EGFLAM: variants seen among roughly 807,000 people sequenced by gnomAD.
EGFLAM encodes the protein EGF like, fibronectin type III and laminin G domains, also known as pikachurin.
Under a neutral mutation model 113.1 loss-of-function variants are expected in EGFLAM, and 79 were observed. The observed-to-expected ratio is 0.70, with a 90% CI of 0.58 to 0.84. EGFLAM has a LOEUF of 0.84. EGFLAM is among the 40% of genes least tolerant of loss of function. The pLI, the probability that EGFLAM is intolerant of heterozygous loss-of-function variation, is 0.00. For synonymous variants in EGFLAM, 504 were observed against 487.6 expected (o/e 1.03, Z -0.44); for missense variants, 1,265 against 1,291.6 (o/e 0.98, Z 0.32).
chr5:38,358,261 C>T (rs558753816), intron 5 of EGFLAM, among the ~76,000 whole-genome samples: 158 of 151,272 alleles, frequency 1.0e-3, no homozygotes, highest in Non-Finnish European at 1.9e-3. Context: ...CTGGCTAACA[C>T]GATGAAACCC....
chr5:38,406,855 G>A lies in EGFLAM; in HGVS notation c.856G>A (p.Gly286Arg), dbSNP rs754023841. Residue 286 changes from glycine (G) to arginine (R), a missense_variant, in exon 8 of 22, where the codon GGG (glycine) becomes AGG (arginine). Physicochemically the swap from Gly to Arg is moderately radical, Grantham distance 125. Coordinates refer to ENST00000322350, the MANE Select transcript of EGFLAM (RefSeq NM_152403.4). ...TAAACCACTTCCTGCTACCAAAGGAGGGAATAAGAAATTTTTGGTGGAAAG... is the reference window on the plus strand; with the variant it reads ...TAAACCACTTCCTGCTACCAAAGGAAGGAATAAGAAATTTTTGGTGGAAAG... ...EVKPLPATKG[G>R]NKKFLVESKK... 3.1e-6 allele frequency: 5 copies of A among 1,614,038 alleles called. No individual in the cohort carries two copies. Among genetic ancestry groups the A allele is most frequent in the Non-Finnish European group, 3.4e-6 (4 of 1,179,948 alleles).
chr5:38,394,412 A>ATTT (rs11438127), intron 6 of EGFLAM, among the ~76,000 whole-genome samples: 3 of 140,690 alleles, frequency 2.1e-5, no homozygotes, highest in African/African-American at 7.8e-5. Context: ...TAGTAACCAC[A>ATTT]TTTTTTTTTT....
At chr5:38,435,310 T>C (rs1384086811) in intron 16 of EGFLAM, 57 bp downstream of exon 16, 4 of 1,289,236 alleles carry the variant, frequency 3.1e-6, no homozygotes, top group Non-Finnish European at 4.5e-6. Flanking sequence ...ACAAAGAAAG[T>C]GAGGATTATG....
rs540815959 is a variant in EGFLAM, at chr5:38,447,756, CAAAAAAA to C, written c.2465-532_2465-526del. ...GGGCAACCAGAGCGAAACTTTGTTT[CAAAAAAA>C]AAAAAAAAAAAAGATCTTGTGAAAT... On this transcript the variant is annotated intron_variant, in intron 17 of 21. Coordinates refer to ENST00000322350, the MANE Select transcript of EGFLAM (RefSeq NM_152403.4). Among the ~76,000 whole-genome samples, 7 of 69,482 alleles carry C rather than the reference CAAAAAAA, an allele frequency of 1.0e-4. No homozygotes were observed. In the East Asian group the frequency reaches 2.8e-3, roughly 27 times the overall value. 45.6% of individuals were successfully genotyped at this position (69,482 alleles called of 152,430 possible).
At chr5:38,294,159 C>A (rs1758400481) in intron 1 of EGFLAM, among the ~76,000 whole-genome samples, 1 of 152,078 alleles carries the variant, frequency 6.6e-6, no homozygotes, top group South Asian at 2.1e-4. Flanking sequence ...GGCTTGGACT[C>A]CTTGTTATAG....
intron 1 of EGFLAM, among the ~76,000 whole-genome samples, chr5:38,259,175 C>A (rs1757439308): frequency 6.6e-6 from 1 of 152,212 alleles, no homozygotes; most frequent in African/African-American, 2.4e-5. Context: ...GGCAACCATG[C>A]AGAGGAGTCA....
At chr5:38,412,353 T>C in intron 10 of EGFLAM, 151 bp from the exon 11 acceptor site, 1 of 1,157,194 alleles carries the variant, frequency 8.6e-7, no homozygotes, top group Non-Finnish European at 1.2e-6. Context: ...CTTCCCTGTA[T>C]TGATTTCAAC....
At chr5:38,459,775 G>A (rs1481923102) in intron 20 of EGFLAM, among the ~76,000 whole-genome samples, 2 of 37,926 alleles carry the variant, frequency 5.3e-5, no homozygotes. Flanking sequence ...CCCAACCCCT[G>A]GCTGCTGGGC....
chr5:38,283,828 AC>A (rs1430243025), intron 1 of EGFLAM: 1 of 152,108 alleles, frequency 6.6e-6, no homozygotes, highest in East Asian at 1.9e-4. Flanking sequence ...GAGGCAATGA[AC>A]CCTCAGCCCA....
intron 1 of EGFLAM, among the ~76,000 whole-genome samples, chr5:38,311,352 G>A (rs74571579): frequency 0.17 from 25,611 of 151,934 alleles, 2,269 homozygotes; most frequent in Middle Eastern, 0.2. Context: ...CATCTCCCCA[G>A]TCCCCCAGCC....
chr5:38,346,577 T>C (rs1739477303), intron 3 of EGFLAM: 1 of 152,240 alleles, frequency 6.6e-6, no homozygotes, highest in Non-Finnish European at 1.5e-5. Flanking sequence ...CACCCATCAC[T>C]GGTAATTAAT....
intron 1 of EGFLAM, among the ~76,000 whole-genome samples, chr5:38,311,785 CA>C: frequency 6.6e-6 from 1 of 151,962 alleles, no homozygotes; most frequent in South Asian, 2.1e-4. Context: ...GAAGGGGATG[CA>C]AAAAAGGCAA....
chr5:38,352,118 C>A, intron 4 of EGFLAM, 78 bp from the exon 5 acceptor site: 2 of 1,590,336 alleles, frequency 1.3e-6, no homozygotes, highest in South Asian at 1.1e-5. Flanking sequence ...ATGGCTGAGA[C>A]CACCAGCCTA....
rs1740777235 is a variant in EGFLAM, at chr5:38,390,306, A to G, written c.713-15820A>G. ...CTTTTGCAAGTAATTTTTCTCTACA[A>G]TCTTATGTTTTTGACTTTTATGCAC... On this transcript the variant is annotated intron_variant, in intron 6 of 21. Transcript: ENST00000322350. Among the ~76,000 whole-genome samples the G allele has an allele frequency of 2.0e-5, 3 of 152,120 alleles. No individual in the cohort carries two copies. The South Asian group carries it at 6.2e-4, about 32-fold the overall frequency.
At chr5:38,315,751 GT>G (rs1488464932) in intron 1 of EGFLAM, among the ~76,000 whole-genome samples, 1 of 152,118 alleles carries the variant, frequency 6.6e-6, no homozygotes, top group Non-Finnish European at 1.5e-5. Flanking sequence ...TGGGCTTCTT[GT>G]GAAGTTTAAA....
At chr5:38,389,069 T>C (rs1027485303) in intron 6 of EGFLAM, among the ~76,000 whole-genome samples, 4 of 152,144 alleles carry the variant, frequency 2.6e-5, no homozygotes, top group South Asian at 2.1e-4. Context: ...AGTTTTATAG[T>C]AGATGAGAAA....
intron 1 of EGFLAM, among the ~76,000 whole-genome samples, chr5:38,278,074 A>G (rs1757928380): frequency 1.3e-5 from 2 of 152,230 alleles, no homozygotes; most frequent in Admixed American, 6.5e-5. Flanking sequence ...AAAGGCCCCA[A>G]ATAACCAAAG....
intron 1 of EGFLAM, among the ~76,000 whole-genome samples, chr5:38,302,732 A>G (rs1482608698): frequency 6.6e-6 from 1 of 151,020 alleles, no homozygotes; most frequent in Non-Finnish European, 1.5e-5. Context: ...AAAAAAGAAC[A>G]TGGAAAACAA....
chr5:38,455,262 C>A (rs1224848035), intron 19 of EGFLAM, among the ~76,000 whole-genome samples: 8 of 152,176 alleles, frequency 5.3e-5, no homozygotes, highest in Non-Finnish European at 8.8e-5. Flanking sequence ...TTCCGGGTGG[C>A]CCACCTTGGT....
Sources: allele counts gnomAD v4.1 joint callset (sites outside exome capture counted in the v4.1 genomes callset), GRCh38; gene constraint gnomAD v4.1.1; transcripts MANE v1.5; gene names NCBI Gene and HGNC (gene_info 2026-07-23, HGNC 2026-07-21).